Variants in MAP2 observed in about 807,000 individuals in gnomAD.
MAP2 encodes microtubule-associated protein 2.
MAP2 carries 14 observed loss-of-function variants against 137.6 expected under a neutral mutation model. The observed-to-expected ratio is 0.10, with a 90% CI of 0.07 to 0.16. The LOEUF (loss-of-function observed/expected upper bound fraction) is 0.16. Among genes scored for constraint, MAP2 ranks in the 10% least tolerant of loss-of-function variants. The pLI, the probability that MAP2 is intolerant of heterozygous loss-of-function variation, is 1.00. For synonymous variants in MAP2, 786 were observed against 782.3 expected (o/e 1.00, Z -0.08); for missense variants, 2,088 against 2,191.5 (o/e 0.95, Z 0.94).
intron 3 of MAP2, among the ~76,000 whole-genome samples, chr2:209,619,165 G>A (rs558339846): frequency 8.9e-4 from 135 of 152,126 alleles, no homozygotes; most frequent in African/African-American, 2.5e-3. Context: ...CAAAGATAAC[G>A]AAGTTTCTGT....
chr2:209,467,255 G>T (rs575995494), intron 1 of MAP2, among the ~76,000 whole-genome samples: 1 of 151,934 alleles, frequency 6.6e-6, no homozygotes, highest in African/African-American at 2.4e-5. Flanking sequence ...CTTTCCTGGG[G>T]TATTTCTGTT....
chr2:209,539,295 G>A (rs1294303010), intron 2 of MAP2, among the ~76,000 whole-genome samples: 3 of 152,270 alleles, frequency 2.0e-5, no homozygotes, highest in African/African-American at 7.2e-5. Flanking sequence ...TTCTGTAATT[G>A]TTGTGAATGC....
intron 1 of MAP2, among the ~76,000 whole-genome samples, chr2:209,442,352 T>C (rs1039685276): frequency 2.0e-5 from 3 of 151,588 alleles, no homozygotes; most frequent in Non-Finnish European, 4.4e-5. Context: ...TTGGGGGGTC[T>C]AGGGGCCCCC....
At chr2:209,597,458 T>C (rs2081582656) in intron 3 of MAP2, among the ~76,000 whole-genome samples, 1 of 152,218 alleles carries the variant, frequency 6.6e-6, no homozygotes, top group African/African-American at 2.4e-5. Flanking sequence ...ACGTGAACTA[T>C]GTTAGCTCCG....
intron 1 of MAP2, among the ~76,000 whole-genome samples, chr2:209,449,903 T>A (rs1699943743): frequency 1.3e-5 from 2 of 152,164 alleles, no homozygotes; most frequent in African/African-American, 2.4e-5. Context: ...CATAGGGAAT[T>A]TTTTAAGTCA....
intron 2 of MAP2, among the ~76,000 whole-genome samples, chr2:209,514,960 T>A (rs1294784955): frequency 1.3e-5 from 2 of 152,182 alleles, no homozygotes; most frequent in African/African-American, 2.4e-5. Flanking sequence ...GAGTCATTCA[T>A]GTTGAAGAGG....
At chr2:209,644,545 G>A (rs1029355849) in intron 4 of MAP2, among the ~76,000 whole-genome samples, 1 of 152,010 alleles carries the variant, frequency 6.6e-6, no homozygotes, top group African/African-American at 2.4e-5. Context: ...CCCTGAGGTA[G>A]GTAATTGATT....
At chr2:209,727,436 C>T (rs150423939) in intron 14 of MAP2, among the ~76,000 whole-genome samples, 110 of 152,222 alleles carry the variant, frequency 7.2e-4, no homozygotes, top group African/African-American at 2.3e-3. Flanking sequence ...CCTAGATGTA[C>T]GGAAAAATTT....
intron 2 of MAP2, among the ~76,000 whole-genome samples, chr2:209,509,426 T>G (rs1245790226): frequency 6.6e-6 from 1 of 151,964 alleles, no homozygotes; most frequent in Non-Finnish European, 1.5e-5. Context: ...TGGAAACATG[T>G]TTAAGCCTCT....
At chr2:209,720,897 A>G (rs1478400918) in intron 13 of MAP2, among the ~76,000 whole-genome samples, 1 of 151,990 alleles carries the variant, frequency 6.6e-6, no homozygotes, top group African/African-American at 2.4e-5. Context: ...ATAAATATTT[A>G]TTTAGATTTA....
At chr2:209,719,581 C>G (rs911874383) in intron 13 of MAP2, among the ~76,000 whole-genome samples, 1 of 152,110 alleles carries the variant, frequency 6.6e-6, no homozygotes, top group East Asian at 1.9e-4. Context: ...TAGAGCAACC[C>G]TGTTTTAGGG....
intron 11 of MAP2, among the ~76,000 whole-genome samples, chr2:209,705,163 C>T (rs1341055984): frequency 6.6e-6 from 1 of 151,906 alleles, no homozygotes; most frequent in East Asian, 1.9e-4. Flanking sequence ...ATAAAGGGTT[C>T]CTGTCACATA....
chr2:209,503,625 T>C (rs1421185631), intron 1 of MAP2, among the ~76,000 whole-genome samples: 5 of 152,164 alleles, frequency 3.3e-5, no homozygotes, highest in African/African-American at 9.7e-5. Context: ...CTTTTACATG[T>C]AGTACCCAGT....
chr2:209,472,077 A>AT (rs1206233376), intron 1 of MAP2, among the ~76,000 whole-genome samples: 2 of 152,132 alleles, frequency 1.3e-5, no homozygotes, highest in East Asian at 1.9e-4. Flanking sequence ...GTAACTATTG[A>AT]TTTTTTTAAT....
intron 3 of MAP2, among the ~76,000 whole-genome samples, chr2:209,616,825 C>G (rs2089590765): frequency 6.6e-6 from 1 of 152,122 alleles, no homozygotes; most frequent in Non-Finnish European, 1.5e-5. Flanking sequence ...GTCTGCCCAG[C>G]CTGCCATAAA....
intron 5 of MAP2, among the ~76,000 whole-genome samples, chr2:209,654,606 C>T (rs939103143): frequency 6.6e-6 from 1 of 152,054 alleles, no homozygotes; most frequent in Non-Finnish European, 1.5e-5. Context: ...ACATAGCACT[C>T]TTGATCAAGT....
At chr2:209,614,169 C>T (rs1031358623) in intron 3 of MAP2, among the ~76,000 whole-genome samples, 3 of 151,892 alleles carry the variant, frequency 2.0e-5, no homozygotes, top group Non-Finnish European at 2.9e-5. Context: ...TCCTCCATTC[C>T]GACTGCCCCT....
intron 10 of MAP2, 140 bp downstream of exon 10, chr2:209,697,191 T>C: frequency 1.3e-6 from 1 of 774,536 alleles, no homozygotes; most frequent in Non-Finnish European, 2.0e-6. Flanking sequence ...ATTAAGTGTC[T>C]TGTATCATTA....
intron 1 of MAP2, among the ~76,000 whole-genome samples, chr2:209,435,343 GAA>G (rs1695657557): frequency 6.6e-6 from 1 of 151,806 alleles, no homozygotes. Context: ...GTGCAGAAGT[GAA>G]ACACATTATG....
Sources: gnomAD v4.1 joint callset for allele counts (sites outside exome capture counted in the v4.1 genomes callset) on GRCh38, gnomAD v4.1.1 for gene constraint, MANE v1.5 for transcripts, NCBI Gene and HGNC (gene_info 2026-07-23, HGNC 2026-07-21) for gene names.